Variants in SORCS1 observed in about 807,000 individuals in gnomAD.
The protein encoded by SORCS1 is VPS10 domain-containing receptor SorCS1.
In SORCS1, 60 loss-of-function variants were observed where a neutral mutation model predicts 146.1. That is an observed-to-expected ratio of 0.41 (90% CI 0.33 to 0.51). The LOEUF is 0.51. Among genes scored for constraint, SORCS1 ranks in the 20% least tolerant of loss-of-function variants. The pLI is 0.21. For synonymous variants in SORCS1, 637 were observed against 584.0 expected, an observed-to-expected ratio of 1.09 and a Z score of -1.31; for missense variants, 1,352 against 1,487.6, an observed-to-expected ratio of 0.91 and a Z score of 1.50.
chr10:106,650,883 T>TTC lies in SORCS1; in HGVS notation c.2475+1497_2475+1498dup, dbSNP rs956991318. 7.3e-5 allele frequency among the ~76,000 whole-genome samples: 11 copies of TTC among 151,664 alleles called. No homozygotes were observed. The East Asian group carries it at 7.7e-4, about 11-fold the overall frequency. Reference sequence around the variant, plus strand: ...TTCCTCCTCTTCATTTTTCTTCTTCTTCTCTCTCTCTCTGTCCCTCTTGCT... The same window carrying TTC: ...TTCCTCCTCTTCATTTTTCTTCTTCTTCTCTCTCTCTCTCTGTCCCTCTTGCT... On this transcript the variant is annotated intron_variant, in intron 18 of 25. Coordinates refer to ENST00000263054, the MANE Select transcript of SORCS1 (RefSeq NM_052918.5).
Position 107,087,808 on chromosome 10 carries a change from ACTGT to A in SORCS1, c.558+76157_558+76160del, listed in dbSNP as rs528652934. Among the ~76,000 whole-genome samples the A allele has an allele frequency of 5.4e-3, 825 of 152,346 alleles. 12 individuals are homozygous for A. Among genetic ancestry groups the A allele is most frequent in the African/African-American group, 0.019 (775 of 41,582 alleles). On this transcript the variant is annotated intron_variant, in intron 1 of 25. Coordinates refer to ENST00000263054, the MANE Select transcript of SORCS1 (RefSeq NM_052918.5). ...AATAAATATCGGCTTAGGCCTCCTA[ACTGT>A]CTGCAGAAATCTTCCCATAGCTCCT...
intron 2 of SORCS1, among the ~76,000 whole-genome samples, chr10:106,834,742 G>A (rs12254318): frequency 0.032 from 4,855 of 152,248 alleles, 88 homozygotes; most frequent in East Asian, 0.054. Flanking sequence ...ATTAAGATGC[G>A]ACATATGCAG....
chr10:106,857,772 C>T (rs1949847060), intron 2 of SORCS1, among the ~76,000 whole-genome samples: 1 of 152,170 alleles, frequency 6.6e-6, no homozygotes, highest in African/African-American at 2.4e-5. Context: ...TAACAAACCC[C>T]TGCACATTTT....
At chr10:107,055,055 G>A (rs1960478623) in intron 1 of SORCS1, among the ~76,000 whole-genome samples, 2 of 152,294 alleles carry the variant, frequency 1.3e-5, no homozygotes, top group South Asian at 4.2e-4. Flanking sequence ...AGGGGGAGCT[G>A]AAATATAATG....
At chr10:106,964,676 C>T (rs1482452858) in intron 1 of SORCS1, among the ~76,000 whole-genome samples, 5 of 151,892 alleles carry the variant, frequency 3.3e-5, no homozygotes, top group Admixed American at 6.6e-5. Flanking sequence ...TTAGTAGAGA[C>T]GGTGTTTCAC....
intron 2 of SORCS1, among the ~76,000 whole-genome samples, chr10:106,908,400 C>G (rs868108077): frequency 6.6e-6 from 1 of 152,218 alleles, no homozygotes; most frequent in South Asian, 2.1e-4. Flanking sequence ...GCTGATGTAA[C>G]AGCCTATCAA....
intron 1 of SORCS1, among the ~76,000 whole-genome samples, chr10:106,998,442 G>A (rs981165650): frequency 3.3e-5 from 5 of 152,152 alleles, no homozygotes; most frequent in Non-Finnish European, 7.3e-5. Flanking sequence ...GGAGACCTAG[G>A]TAGGGGTGGG....
At position 106,592,540 on chromosome 10, in the gene SORCS1, A is replaced by G. The variant is rs559217902; in HGVS notation, c.3265+4811T>C. ...ACCAACAACATACTCTGGCTCAAAC[A>G]TTTTTAAAAGAAGGCTGCTGAACAT... On this transcript the variant is annotated intron_variant, in intron 24 of 25. Transcript: ENST00000263054. Among the ~76,000 whole-genome samples, 3 of 152,348 alleles carry G rather than the reference A, an allele frequency of 2.0e-5. No individual in the cohort carries two copies. The East Asian group carries it at 5.8e-4, about 29-fold the overall frequency.
intron 2 of SORCS1, among the ~76,000 whole-genome samples, chr10:106,907,797 C>T (rs774247340): frequency 2.6e-5 from 4 of 151,422 alleles, no homozygotes; most frequent in Non-Finnish European, 5.9e-5. Flanking sequence ...CATGGTGGTG[C>T]GCACCTATAG....
chr10:107,035,505 T>A (rs954269941), intron 1 of SORCS1, among the ~76,000 whole-genome samples: 2 of 152,180 alleles, frequency 1.3e-5, no homozygotes, highest in Non-Finnish European at 2.9e-5. Flanking sequence ...AAAACTCTCA[T>A]ATTTATCATT....
At chr10:106,688,387 A>G (rs377652019) in intron 9 of SORCS1, 49 bp from the exon 10 acceptor site, 6 of 1,583,936 alleles carry the variant, frequency 3.8e-6, no homozygotes, top group Middle Eastern at 1.7e-4. Context: ...GAGAAGGGAT[A>G]TATTTGTTTA....
At chr10:106,927,281 G>A (rs1191273850) in intron 2 of SORCS1, among the ~76,000 whole-genome samples, 2 of 152,092 alleles carry the variant, frequency 1.3e-5, no homozygotes, top group Non-Finnish European at 2.9e-5. Flanking sequence ...TGGTGGGTTC[G>A]TGGTCTTGCT....
intron 1 of SORCS1, among the ~76,000 whole-genome samples, chr10:107,089,158 A>G (rs970596332): frequency 6.6e-5 from 10 of 152,316 alleles, no homozygotes; most frequent in Non-Finnish European, 1.2e-4. Context: ...AGTATATGAC[A>G]AACCTTTTAT....
chr10:107,023,936 TAA>T (rs1958268147), intron 1 of SORCS1, among the ~76,000 whole-genome samples: 1 of 151,992 alleles, frequency 6.6e-6, no homozygotes, highest in South Asian at 2.1e-4. Context: ...GGGTGACTTA[TAA>T]AGAGAGGTTC....
intron 1 of SORCS1, among the ~76,000 whole-genome samples, chr10:107,085,380 C>T (rs1251900579): frequency 6.6e-6 from 1 of 152,204 alleles, no homozygotes; most frequent in African/African-American, 2.4e-5. Context: ...GGTGACTCAT[C>T]ATTAAGACTG....
intron 2 of SORCS1, among the ~76,000 whole-genome samples, chr10:106,849,997 G>A (rs1230176783): frequency 6.7e-6 from 1 of 149,750 alleles, no homozygotes. Flanking sequence ...AAAGCTGTCA[G>A]ACAGAGACTT....
intron 1 of SORCS1, among the ~76,000 whole-genome samples, chr10:106,961,363 C>T (rs908376890): frequency 6.6e-6 from 1 of 152,106 alleles, no homozygotes; most frequent in Non-Finnish European, 1.5e-5. Flanking sequence ...TTTAAGGAAC[C>T]TGAGAACACC....
rs375643353 is a variant in SORCS1 at position 107,121,777 on chromosome 10, A to G, written c.558+42192T>C. Among the ~76,000 whole-genome samples, 12 of 152,228 alleles carry G rather than the reference A, an allele frequency of 7.9e-5. No individual in the cohort carries two copies. In the East Asian group the frequency reaches 1.3e-3, roughly 17 times the overall value. On this transcript the variant is annotated intron_variant, in intron 1 of 25. Transcript: ENST00000263054. ...TTTTCTTGTGTATGCATCTCTTTGCATAACAAATATAAAATGTCTGAAAGA... is the reference window on the plus strand; with the variant it reads ...TTTTCTTGTGTATGCATCTCTTTGCGTAACAAATATAAAATGTCTGAAAGA...
chr10:106,594,461 T>C (rs7087266), intron 24 of SORCS1, among the ~76,000 whole-genome samples: 5,118 of 152,298 alleles, frequency 0.034, 103 homozygotes, highest in Middle Eastern at 0.054. Flanking sequence ...GGAACATTCA[T>C]TATCTTCCAA....
Sources: allele counts gnomAD v4.1 joint callset (sites outside exome capture counted in the v4.1 genomes callset), GRCh38; gene constraint gnomAD v4.1.1; transcripts MANE v1.5; gene names NCBI Gene and HGNC (gene_info 2026-07-23, HGNC 2026-07-21).